PTPRD: variants seen among roughly 807,000 people sequenced by gnomAD.
PTPRD encodes the protein protein tyrosine phosphatase receptor type D.
Under a neutral mutation model 214.5 loss-of-function variants are expected in PTPRD, and 34 were observed. The observed-to-expected ratio is 0.16, with a 90% confidence interval of 0.12 to 0.21. The LOEUF (loss-of-function observed/expected upper bound fraction) is 0.21. PTPRD is among the 10% of genes least tolerant of loss of function. The probability of loss-of-function intolerance (pLI) is 1.00; values close to 1 mark genes in which losing one functional copy is unlikely to be tolerated. For synonymous variants in PTPRD, 1,128 were observed against 845.7 expected (o/e 1.33, Z -5.79); for missense variants, 2,545 against 2,398.7 (o/e 1.06, Z -1.27).
intron 35 of PTPRD, among the ~76,000 whole-genome samples, chr9:8,406,868 A>G (rs939126799): frequency 1.3e-5 from 2 of 152,232 alleles, no homozygotes; most frequent in African/African-American, 4.8e-5. Context: ...TATTGGATAC[A>G]TAAGCTTCTT....
At chr9:9,920,500 G>C (rs1357372706) in intron 5 of PTPRD, among the ~76,000 whole-genome samples, 2 of 152,126 alleles carry the variant, frequency 1.3e-5, no homozygotes, top group African/African-American at 4.8e-5. Flanking sequence ...TAAAATGATG[G>C]AGGGCAAATT....
intron 8 of PTPRD, among the ~76,000 whole-genome samples, chr9:9,524,710 C>A (rs538902103): frequency 6.6e-6 from 1 of 152,268 alleles, no homozygotes; most frequent in East Asian, 1.9e-4. Flanking sequence ...ACTGTATTAT[C>A]TTTGATATTT....
intron 12 of PTPRD, among the ~76,000 whole-genome samples, chr9:8,716,679 A>G (rs144656992): frequency 7.9e-4 from 114 of 144,028 alleles, no homozygotes; most frequent in Non-Finnish European, 1.3e-3. Flanking sequence ...CACTAGGAAA[A>G]TCAAAGGATC....
At chr9:10,423,624 T>C (rs2098576784) in intron 2 of PTPRD, among the ~76,000 whole-genome samples, 1 of 151,846 alleles carries the variant, frequency 6.6e-6, no homozygotes, top group Non-Finnish European at 1.5e-5. Context: ...GAATGAAAAG[T>C]AGCAACACTG....
chr9:8,856,480 G>C (rs754619866), intron 11 of PTPRD, among the ~76,000 whole-genome samples: 3 of 152,154 alleles, frequency 2.0e-5, no homozygotes, highest in African/African-American at 7.2e-5. Flanking sequence ...GCCTCTGAGA[G>C]GTTCAAACTG....
intron 2 of PTPRD, among the ~76,000 whole-genome samples, chr9:10,532,734 C>G (rs1004367479): frequency 6.6e-6 from 1 of 151,244 alleles, no homozygotes; most frequent in African/African-American, 2.4e-5. Flanking sequence ...TGAGAATTAC[C>G]TAATAAATAA....
chr9:8,393,047 AT>A (rs2090095123), intron 36 of PTPRD, among the ~76,000 whole-genome samples: 1 of 152,130 alleles, frequency 6.6e-6, no homozygotes, highest in Non-Finnish European at 1.5e-5. Flanking sequence ...TGCTTTCCAA[AT>A]GTTTTGGTGC....
intron 11 of PTPRD, among the ~76,000 whole-genome samples, chr9:8,772,046 TA>T (rs1012743254): frequency 6.6e-6 from 1 of 152,120 alleles, no homozygotes; most frequent in African/African-American, 2.4e-5. Flanking sequence ...TATATGCCTG[TA>T]AAAACTATCT....
intron 5 of PTPRD, among the ~76,000 whole-genome samples, chr9:9,919,022 G>T (rs1028528919): frequency 5.9e-5 from 9 of 152,068 alleles, no homozygotes; most frequent in African/African-American, 2.2e-4. Context: ...TTGATGTTGA[G>T]GAGATAGAAT....
intron 7 of PTPRD, among the ~76,000 whole-genome samples, chr9:9,725,947 G>A (rs59259639): frequency 0.017 from 2,524 of 152,208 alleles, 74 homozygotes; most frequent in African/African-American, 0.057. Flanking sequence ...CTTCAGGACA[G>A]TCATGTAAAA....
At chr9:10,513,384 A>G (rs1014319112) in intron 2 of PTPRD, among the ~76,000 whole-genome samples, 4 of 152,106 alleles carry the variant, frequency 2.6e-5, no homozygotes, top group Admixed American at 2.0e-4. Context: ...AACAATTTGG[A>G]TGTGGTTAAG....
intron 8 of PTPRD, among the ~76,000 whole-genome samples, chr9:9,461,727 T>C (rs1360125276): frequency 6.6e-6 from 1 of 152,098 alleles, no homozygotes; most frequent in African/African-American, 2.4e-5. Flanking sequence ...ATGTTAGGAA[T>C]TTATGGGCCA....
At chr9:8,807,230 G>A (rs575768514) in intron 11 of PTPRD, among the ~76,000 whole-genome samples, 1 of 152,182 alleles carries the variant, frequency 6.6e-6, no homozygotes, top group African/African-American at 2.4e-5. Flanking sequence ...CCAGCTACTT[G>A]TGAGGCTGAG....
intron 3 of PTPRD, among the ~76,000 whole-genome samples, chr9:10,189,413 G>A (rs2099352715): frequency 6.6e-6 from 1 of 152,088 alleles, no homozygotes; most frequent in African/African-American, 2.4e-5. Context: ...AGAAAGAGTT[G>A]GGATTAAATG....
chr9:10,468,619 C>A (rs953420771), intron 2 of PTPRD, among the ~76,000 whole-genome samples: 3 of 152,080 alleles, frequency 2.0e-5, no homozygotes, highest in Admixed American at 6.5e-5. Context: ...GCACATTCTG[C>A]ACATGTATCC....
chr9:9,603,543 A>G (rs1218745252), intron 7 of PTPRD, among the ~76,000 whole-genome samples: 1 of 152,156 alleles, frequency 6.6e-6, no homozygotes, highest in African/African-American at 2.4e-5. Flanking sequence ...CAGGCAAGCA[A>G]GCATTACCAC....
At chr9:10,508,187 A>G (rs1283778980) in intron 2 of PTPRD, among the ~76,000 whole-genome samples, 1 of 152,250 alleles carries the variant, frequency 6.6e-6, no homozygotes, top group Admixed American at 6.5e-5. Flanking sequence ...CAACAGATAC[A>G]TGAAAAAATG....
At chr9:8,555,028 T>TAA (rs1415667469) in intron 14 of PTPRD, among the ~76,000 whole-genome samples, 1 of 152,228 alleles carries the variant, frequency 6.6e-6, no homozygotes, top group Non-Finnish European at 1.5e-5. Context: ...TACTTGCTTC[T>TAA]AATTTGCTAA....
At chr9:10,436,216 ATTC>A (rs750661414) in intron 2 of PTPRD, among the ~76,000 whole-genome samples, 18 of 151,966 alleles carry the variant, frequency 1.2e-4, no homozygotes, top group South Asian at 4.1e-4. Flanking sequence ...AATCAAGATA[ATTC>A]TTCTCTCTAT....
Sources: allele counts gnomAD v4.1 joint callset (sites outside exome capture counted in the v4.1 genomes callset), GRCh38; gene constraint gnomAD v4.1.1; transcripts MANE v1.5; gene names NCBI Gene and HGNC (gene_info 2026-07-23, HGNC 2026-07-21).